The following ABLIM2 variants were observed in gnomAD, a reference collection of about 807,000 sequenced individuals.
ABLIM2 encodes the protein actin binding LIM protein family member 2.
ABLIM2 carries 53 observed loss-of-function variants against 97.7 expected under a neutral mutation model. The observed-to-expected ratio is 0.54, with a 90% confidence interval of 0.44 to 0.68. The LOEUF (loss-of-function observed/expected upper bound fraction) is 0.68. Ranked by LOEUF, ABLIM2 falls within the 30% of genes least tolerant of loss-of-function variation. ABLIM2 has a pLI of 0.00. For synonymous variants in ABLIM2, 361 were observed against 345.8 expected (o/e 1.04, Z -0.49); for missense variants, 835 against 867.2 (o/e 0.96, Z 0.47).
intron 20 of ABLIM2, among the ~76,000 whole-genome samples, chr4:7,972,263 C>T (rs28480985): frequency 0.17 from 25,593 of 152,226 alleles, 2,743 homozygotes; most frequent in East Asian, 0.52. Flanking sequence ...CAGCCTTGCA[C>T]GCCTCTTCTC....
intron 2 of ABLIM2, among the ~76,000 whole-genome samples, chr4:8,101,971 A>C (rs1013211652): frequency 2.0e-5 from 3 of 152,078 alleles, no homozygotes; most frequent in African/African-American, 7.2e-5. Context: ...CCCAGCCGCC[A>C]TTGGCTCCAG....
chr4:8,033,415 G>A lies in ABLIM2; in HGVS notation c.1047+2734C>T, dbSNP rs1238990240. 6.6e-6 allele frequency among the ~76,000 whole-genome samples: 1 copy of A among 152,226 alleles called. No homozygotes were observed. Among genetic ancestry groups the A allele is most frequent in the African/African-American group, 2.4e-5 (1 of 41,464 alleles). ...TGAAGCCCTGTGCCATGGGAGGTGG[G>A]AAGCTGAAGGCCATGGGTGGAATGA... On this transcript the variant is annotated intron_variant, in intron 10 of 20. Coordinates refer to ENST00000447017, the MANE Select transcript of ABLIM2 (RefSeq NM_001130083.2). The surrounding 1 kb of genome is among the most constrained non-coding windows in gnomAD (Gnocchi z 4.5).
At position 8,031,516 on chromosome 4, in the gene ABLIM2, G is replaced by A. The variant is rs73798926; in HGVS notation, c.1048-1740C>T. On this transcript the variant is annotated intron_variant, in intron 10 of 20. Transcript: ENST00000447017. ...GTACCATGGCCGTCACAGCTCCCAT[G>A]GGGCAGGTTGTCTGGAGCAGGAGGC... 2.8e-4 allele frequency among the ~76,000 whole-genome samples: 42 copies of A among 152,306 alleles called. 1 individual carries two copies. Among genetic ancestry groups the A allele is most frequent in the Admixed American group, 3.3e-4 (5 of 15,306 alleles).
At chr4:8,059,317 C>G (rs1378743901) in intron 7 of ABLIM2, among the ~76,000 whole-genome samples, 1 of 151,970 alleles carries the variant, frequency 6.6e-6, no homozygotes, top group Non-Finnish European at 1.5e-5. Flanking sequence ...CTGGGGGAAA[C>G]AGCAGACTCA....
rs1771728753 is a variant in ABLIM2, at chr4:8,019,198, G to A, written c.1423+420C>T. Among the ~76,000 whole-genome samples the A allele has an allele frequency of 6.6e-6, 1 of 152,160 alleles. No individual in the cohort carries two copies. The highest frequency in any genetic ancestry group is 6.5e-5 in the Admixed American group (1 of 15,276). On this transcript the variant is annotated intron_variant, in intron 14 of 20. Transcript: ENST00000447017. The surrounding 1 kb of genome is among the most constrained non-coding windows in gnomAD (Gnocchi z 4.3). ...AACTCAAGACTAAAGTCTCCCTGAG[G>A]AATAAACGACCGATTCAAGTTTGTT...
intron 16 of ABLIM2, chr4:8,007,348 C>A: frequency 1.0e-6 from 1 of 985,462 alleles, no homozygotes; most frequent in Non-Finnish European, 1.2e-6. Flanking sequence ...CTCACACCCC[C>A]ATCCATCCTC....
chr4:8,153,963 C>CTTTTTTT (rs55681745), intron 1 of ABLIM2, among the ~76,000 whole-genome samples: 39 of 131,820 alleles, frequency 3.0e-4, no homozygotes, highest in East Asian at 4.4e-4. Flanking sequence ...AACTTCTTTT[C>CTTTTTTT]TTTTTTTTTT....
At chr4:8,040,114 G>T (rs1330903509) in intron 9 of ABLIM2, among the ~76,000 whole-genome samples, 1 of 152,156 alleles carries the variant, frequency 6.6e-6, no homozygotes, top group Non-Finnish European at 1.5e-5. Context: ...AATGGCAGGG[G>T]GAGCCGGTCT....
Position 8,071,330 on chromosome 4 carries a change from G to A in ABLIM2, c.675+6298C>T, listed in dbSNP as rs1318898208. On this transcript the variant is annotated intron_variant, in intron 6 of 20. Coordinates refer to ENST00000447017, the MANE Select transcript of ABLIM2 (RefSeq NM_001130083.2). This position sits in a 1 kb window ranked among gnomAD's most constrained non-coding sequence, Gnocchi z 6.2. ...CCATGCCCCCACAGGACCCCAGCAA[G>A]GAGCCGGCTCATCAGGACAGACACC... Among the ~76,000 whole-genome samples, 2 of 152,106 alleles carry A rather than the reference G, an allele frequency of 1.3e-5. No individual in the cohort carries two copies. The highest frequency in any genetic ancestry group is 6.5e-5 in the Admixed American group (1 of 15,270).
chr4:8,142,722 G>A (rs1039330238), intron 1 of ABLIM2, among the ~76,000 whole-genome samples: 1 of 152,214 alleles, frequency 6.6e-6, no homozygotes, highest in Admixed American at 6.5e-5. Flanking sequence ...TGCCCTTGAT[G>A]GCCCTCACTC....
At chr4:8,152,804 G>C (rs1713506266) in intron 1 of ABLIM2, among the ~76,000 whole-genome samples, 1 of 152,206 alleles carries the variant, frequency 6.6e-6, no homozygotes, top group African/African-American at 2.4e-5. Context: ...GCCAGGCAGA[G>C]ACTGGTCAGC....
chr4:8,109,428 T>C (rs540034219), intron 1 of ABLIM2, among the ~76,000 whole-genome samples: 192 of 152,358 alleles, frequency 1.3e-3, no homozygotes, highest in Non-Finnish European at 2.3e-3. Context: ...CTGATTGAGC[T>C]CTGAGCCTGG....
chr4:8,083,344 G>A lies in ABLIM2; in HGVS notation c.455-2542C>T, dbSNP rs183237795. On this transcript the variant is annotated intron_variant, in intron 4 of 20. Coordinates refer to ENST00000447017, the MANE Select transcript of ABLIM2 (RefSeq NM_001130083.2). This position sits in a 1 kb window ranked among gnomAD's most constrained non-coding sequence, Gnocchi z 4.6. ...GTGAATAAATGCACACACGTTGACC[G>A]GTGAGGTGGGCCCACCTCTGCTCTC... Among the ~76,000 whole-genome samples the A allele has an allele frequency of 4.6e-5, 7 of 152,156 alleles. No individual in the cohort carries two copies. Among genetic ancestry groups the A allele is most frequent in the African/African-American group, 1.4e-4 (6 of 41,426 alleles).
chr4:8,008,059 G>A lies in ABLIM2; in HGVS notation c.1618C>T (p.Arg540Ter). 1.9e-6 allele frequency: 3 copies of A among 1,613,938 alleles called. No homozygotes were observed. Among genetic ancestry groups the A allele is most frequent in the Non-Finnish European group, 2.5e-6 (3 of 1,179,830 alleles). The change falls in exon 16 of 21, where the codon CGA (arginine) becomes TGA (stop). Residue 540 changes from arginine (R) to a stop codon, truncating the protein, a stop_gained and splice_region_variant. Coordinates refer to ENST00000447017, the MANE Select transcript of ABLIM2 (RefSeq NM_001130083.2). LOFTEE classifies it high-confidence loss of function. ...CTCCTTCTTCAAAAGAACCACTCACGTGAGTGAAAGCTGTCCCCTGCCATC... is the reference window on the plus strand; with the variant it reads ...CTCCTTCTTCAAAAGAACCACTCACATGAGTGAAAGCTGTCCCCTGCCATC... ...QRMAGDSFHS[R>*]FPYSKSDPLP...
At chr4:8,086,887 G>A (rs144002500) in intron 4 of ABLIM2, among the ~76,000 whole-genome samples, 2,391 of 151,726 alleles carry the variant, frequency 0.016, 35 homozygotes, top group South Asian at 0.044. Flanking sequence ...TTGAATGGAG[G>A]ACTCTCCTAG....
chr4:7,971,846 C>T (rs1214259666), intron 20 of ABLIM2, among the ~76,000 whole-genome samples: 2 of 152,128 alleles, frequency 1.3e-5, no homozygotes, highest in Admixed American at 6.5e-5. Context: ...GTCACAGCCA[C>T]CCCTCTGTAC....
intron 1 of ABLIM2, among the ~76,000 whole-genome samples, chr4:8,135,729 C>T (rs1850097065): frequency 6.6e-6 from 1 of 152,184 alleles, no homozygotes; most frequent in South Asian, 2.1e-4. Flanking sequence ...TCTCAAGGAG[C>T]GCAGATGACG....
Position 8,033,293 on chromosome 4 carries a change from G to A in ABLIM2, c.1047+2856C>T, listed in dbSNP as rs1000571463. Among the ~76,000 whole-genome samples the A allele has an allele frequency of 2.0e-4, 30 of 152,296 alleles. No homozygotes were observed. The highest frequency in any genetic ancestry group is 6.0e-4 in the African/African-American group (25 of 41,562). Reference sequence around the variant, plus strand: ...AGCAAGCATTGGGAAAGAGAACGCCGTTCCCACAGCAGAGCGGGGAGGCAC... The same window carrying A: ...AGCAAGCATTGGGAAAGAGAACGCCATTCCCACAGCAGAGCGGGGAGGCAC... On this transcript the variant is annotated intron_variant, in intron 10 of 20. Transcript: ENST00000447017. The surrounding 1 kb of genome is among the most constrained non-coding windows in gnomAD (Gnocchi z 4.5).
intron 1 of ABLIM2, among the ~76,000 whole-genome samples, chr4:8,151,955 A>T (rs1319333882): frequency 6.6e-6 from 1 of 152,074 alleles, no homozygotes; most frequent in Non-Finnish European, 1.5e-5. Flanking sequence ...TCTGAGGGTG[A>T]GTCACAGAGG....
Sources: allele counts gnomAD v4.1 joint callset (sites outside exome capture counted in the v4.1 genomes callset), GRCh38; gene constraint gnomAD v4.1.1; non-coding constraint Gnocchi (gnomAD v3.1); transcripts MANE v1.5; gene names NCBI Gene and HGNC (gene_info 2026-07-23, HGNC 2026-07-21).